SP1: variants seen among roughly 807,000 people sequenced by gnomAD.
SP1 encodes Sp1 transcription factor.
A neutral mutation model predicts 66.3 loss-of-function variants in SP1; 6 were observed. The ratio of observed to expected loss-of-function variants is 0.09; its 90% confidence interval spans 0.05 to 0.18. SP1 has a LOEUF of 0.18. Among genes scored for constraint, SP1 ranks in the 10% least tolerant of loss-of-function variants. The pLI is 1.00. For missense variants in SP1, 848 were observed against 964.5 expected, an observed-to-expected ratio of 0.88 and a Z score of 1.60; for synonymous variants, 417 against 360.8, an observed-to-expected ratio of 1.16 and a Z score of -1.77.
At chr12:53,393,320 C>T (rs749239538) in intron 3 of SP1, among the ~76,000 whole-genome samples, 11 of 151,768 alleles carry the variant, frequency 7.2e-5, no homozygotes, top group African/African-American at 2.7e-4. Context: ...TTTTTTGAGA[C>T]GGAGTCTTGC....
chr12:53,385,511 CTT>C (rs71443295), intron 3 of SP1, among the ~76,000 whole-genome samples: 27,438 of 151,202 alleles, frequency 0.18, 2,593 homozygotes, highest in African/African-American at 0.21. Context: ...AGGAGAATCA[CTT>C]GAACCAGGGA....
rs750123937 is a variant in SP1 at position 53,411,251 on chromosome 12, C to G, written c.*11C>G. The G allele has an allele frequency of 6.2e-7, 1 of 1,602,446 alleles. No individual in the cohort carries two copies. The stretch of plus-strand genomic sequence containing the variant: ...GGCAATGGCTTCTGAGATCAGGCAC[C>G]CGGGGCCAGAGACATATGGGCCATA... On this transcript the variant is annotated 3_prime_UTR_variant, in exon 6 of 6. Coordinates refer to ENST00000327443, the MANE Select transcript of SP1 (RefSeq NM_138473.3).
chr12:53,397,753 C>T (rs1313363482), intron 3 of SP1, among the ~76,000 whole-genome samples: 1 of 151,940 alleles, frequency 6.6e-6, no homozygotes, highest in South Asian at 2.1e-4. Flanking sequence ...AGGGTTTCAC[C>T]ATGTTGGCCT....
intron 3 of SP1, among the ~76,000 whole-genome samples, chr12:53,384,860 C>T (rs1188135316): frequency 6.6e-6 from 1 of 152,020 alleles, no homozygotes; most frequent in Non-Finnish European, 1.5e-5. Flanking sequence ...TGGTACATGC[C>T]TATGGGCCCA....
At position 53,393,036 on chromosome 12, in the gene SP1, C is replaced by T. The variant is rs543245889; in HGVS notation, c.1675+9414C>T. Among the ~76,000 whole-genome samples the T allele has an allele frequency of 4.3e-4, 64 of 150,526 alleles. 1 individual carries two copies. Among genetic ancestry groups the T allele is most frequent in the African/African-American group, 1.5e-3 (63 of 40,988 alleles). ...AGATGGGGTTTCACCATGTTGGTCACCAGGTCTTGAACTCCTGACCTCGTG... is the reference window on the plus strand; with the variant it reads ...AGATGGGGTTTCACCATGTTGGTCATCAGGTCTTGAACTCCTGACCTCGTG... On this transcript the variant is annotated intron_variant, in intron 3 of 5. Transcript: ENST00000327443.
intron 3 of SP1, among the ~76,000 whole-genome samples, chr12:53,400,755 A>ATTT (rs10547195): frequency 5.7e-5 from 4 of 70,054 alleles, no homozygotes; most frequent in African/African-American, 2.3e-4. Context: ...CACTGGGCTA[A>ATTT]TTTTTTTTTT....
chr12:53,407,356 C>A (rs1169038757), intron 4 of SP1, among the ~76,000 whole-genome samples: 3 of 149,336 alleles, frequency 2.0e-5, no homozygotes, highest in African/African-American at 7.4e-5. Context: ...GAGACAAAGT[C>A]AGTCTGTGTT....
chr12:53,392,836 T>G lies in SP1; in HGVS notation c.1675+9214T>G, dbSNP rs181543295. ...TTTTTGTTTTTTGTTGTTGTTGCTG[T>G]TTTTTTGAGATAAGGTCTCTCTCTG... On this transcript the variant is annotated intron_variant, in intron 3 of 5. Transcript: ENST00000327443. 3.1e-3 allele frequency among the ~76,000 whole-genome samples: 463 copies of G among 149,532 alleles called. 4 individuals carry two copies. Among genetic ancestry groups the G allele is most frequent in the African/African-American group, 0.011 (439 of 40,628 alleles).
intron 3 of SP1, among the ~76,000 whole-genome samples, chr12:53,399,874 G>A (rs946426743): frequency 6.0e-5 from 9 of 151,162 alleles, no homozygotes; most frequent in African/African-American, 1.9e-4. Context: ...CAGGTCATCC[G>A]CCCGCCTCGG....
intron 3 of SP1, among the ~76,000 whole-genome samples, chr12:53,389,096 ATGT>A (rs1938292472): frequency 6.6e-6 from 1 of 152,020 alleles, no homozygotes; most frequent in South Asian, 2.1e-4. Context: ...TGGATGTGAA[ATGT>A]TGTATGATAC....
intron 3 of SP1, among the ~76,000 whole-genome samples, chr12:53,396,492 C>T (rs767122943): frequency 4.0e-5 from 6 of 151,486 alleles, no homozygotes; most frequent in South Asian, 2.1e-4. Flanking sequence ...CGCTTGAACC[C>T]GGGAGGCGGA....
intron 3 of SP1, among the ~76,000 whole-genome samples, chr12:53,406,065 C>CTTTTTTTTTT (rs1170832065): frequency 8.5e-5 from 7 of 82,412 alleles, no homozygotes; most frequent in Non-Finnish European, 1.2e-4. Context: ...TATTTTCTTT[C>CTTTTTTTTTT]TTTTTTTTTT....
At chr12:53,390,652 C>T (rs937932935) in intron 3 of SP1, among the ~76,000 whole-genome samples, 2 of 151,748 alleles carry the variant, frequency 1.3e-5, no homozygotes, top group Non-Finnish European at 2.9e-5. Context: ...CACTGCACTC[C>T]AGCCTGGGCA....
intron 1 of SP1, 132 bp from the exon 2 acceptor site, chr12:53,381,527 C>G: frequency 1.3e-6 from 1 of 748,040 alleles, no homozygotes; most frequent in Non-Finnish European, 2.1e-6. Context: ...GCCCTCCAAT[C>G]CATTTTCTTT....
intron 3 of SP1, among the ~76,000 whole-genome samples, chr12:53,405,303 G>A (rs916430650): frequency 6.6e-6 from 1 of 152,116 alleles, no homozygotes; most frequent in African/African-American, 2.4e-5. Context: ...CAAATTAGAT[G>A]TACATTTAAA....
chr12:53,391,296 A>G (rs1938344695), intron 3 of SP1, among the ~76,000 whole-genome samples: 1 of 151,768 alleles, frequency 6.6e-6, no homozygotes, highest in South Asian at 2.1e-4. Context: ...GTTAGACTTT[A>G]AGAATTATTT....
intron 2 of SP1, 96 bp downstream of exon 2, chr12:53,381,909 C>T (rs1938108098): frequency 3.6e-6 from 5 of 1,397,958 alleles, no homozygotes; most frequent in Non-Finnish European, 4.9e-6. Context: ...TAGGGAGAGA[C>T]TAAACCATTT....
rs1938973594 is a variant in SP1, at chr12:53,415,308, T to C, written c.*4068T>C. The C allele has an allele frequency of 2.0e-5, 3 of 152,510 alleles. No homozygotes were observed. The highest frequency in any genetic ancestry group is 7.2e-5 in the African/African-American group (3 of 41,386). 9.4% of individuals were successfully genotyped at this position (152,510 alleles called of 1,614,324 possible). The stretch of plus-strand genomic sequence containing the variant: ...GTTGACCTGTTTCTCTTTGTCTGCC[T>C]TCCCAAAACACCAGCCCCCAGGAAG... On this transcript the variant is annotated 3_prime_UTR_variant, in exon 6 of 6. Coordinates refer to ENST00000327443, the MANE Select transcript of SP1 (RefSeq NM_138473.3).
In SP1 at chr12:53,416,227, C is replaced by T. The variant is rs1938993926; in HGVS notation, c.*4987C>T. On this transcript the variant is annotated 3_prime_UTR_variant, in exon 6 of 6. Transcript: ENST00000327443. ...ATGCTCTCTCATCTTGTTCTTCCCC[C>T]TCACCCCCCACTCTTAGGTATGTAT... The T allele has an allele frequency of 6.5e-6, 1 of 153,120 alleles. No homozygotes were observed. Among genetic ancestry groups the T allele is most frequent in the Admixed American group, 6.5e-5 (1 of 15,268 alleles). 9.5% of individuals were successfully genotyped at this position (153,120 alleles called of 1,614,324 possible).
Sources: allele counts gnomAD v4.1 joint callset (sites outside exome capture counted in the v4.1 genomes callset), GRCh38; gene constraint gnomAD v4.1.1; transcripts MANE v1.5; gene names NCBI Gene and HGNC (gene_info 2026-07-23, HGNC 2026-07-21).